The following PKHD1 variants were observed in gnomAD, a reference collection of about 807,000 sequenced individuals.
PKHD1 encodes PKHD1 ciliary IPT domain containing fibrocystin/polyductin, also known as fibrocystin.
Under a neutral mutation model 412.0 loss-of-function variants are expected in PKHD1, and 291 were observed. That is an observed-to-expected ratio of 0.71 (90% CI 0.64 to 0.78). PKHD1 has a LOEUF of 0.78. PKHD1 is among the 30% of genes least tolerant of loss of function. PKHD1 has a pLI of 0.00. For missense variants in PKHD1, 4,825 were observed against 4,950.7 expected (o/e 0.97, Z 0.76); for synonymous variants, 1,777 against 1,821.5 (o/e 0.98, Z 0.62).
In PKHD1 at chr6:51,753,331, A is replaced by G. The variant is rs766377653; in HGVS notation, c.8820T>C (p.Asp2940=). The G allele has an allele frequency of 4.3e-6, 7 of 1,613,896 alleles. No individual in the cohort carries two copies. The highest frequency in any genetic ancestry group is 5.9e-6 in the Non-Finnish European group (7 of 1,179,820). ...CAGCAGCCAAACGAATGTGTCGGCC[A>G]TCCTCCGTGACATGTACACTTCCTG... ...RHIGSVHVTE[D]GRHIRLAAEV... is the part of the protein sequence containing the mutation. Residue 2940 remains aspartate (D), a synonymous_variant, in exon 57 of 67, where the codon GAT becomes GAC. Transcript: ENST00000371117.
At chr6:51,902,333 AT>A (rs1270836029) in intron 43 of PKHD1, among the ~76,000 whole-genome samples, 2 of 152,064 alleles carry the variant, frequency 1.3e-5, no homozygotes, top group African/African-American at 4.8e-5. Flanking sequence ...TATCATTAGG[AT>A]TTTTGGCCTG....
intron 37 of PKHD1, among the ~76,000 whole-genome samples, chr6:51,918,303 C>T (rs1217554197): frequency 2.0e-5 from 3 of 151,958 alleles, no homozygotes; most frequent in African/African-American, 7.2e-5. Flanking sequence ...CACCCATCAA[C>T]CCATCATCTA....
At chr6:51,758,068 G>A (rs983313861) in intron 55 of PKHD1, among the ~76,000 whole-genome samples, 5 of 144,440 alleles carry the variant, frequency 3.5e-5, no homozygotes, top group African/African-American at 1.3e-4. Context: ...AAAGCAAACA[G>A]GAAAAAAATC....
At chr6:52,010,742 C>T (rs984401682) in intron 34 of PKHD1, among the ~76,000 whole-genome samples, 3 of 152,198 alleles carry the variant, frequency 2.0e-5, no homozygotes, top group East Asian at 3.8e-4. Flanking sequence ...CTACTCCTAG[C>T]CCAGCTTAAC....
At chr6:51,942,778 A>G (rs1788786110) in intron 36 of PKHD1, among the ~76,000 whole-genome samples, 1 of 151,688 alleles carries the variant, frequency 6.6e-6, no homozygotes, top group South Asian at 2.1e-4. Context: ...CCCGCCTCTT[A>G]GAACCTCTCA....
intron 60 of PKHD1, among the ~76,000 whole-genome samples, chr6:51,698,446 A>G (rs551562532): frequency 6.6e-6 from 1 of 152,330 alleles, no homozygotes; most frequent in African/African-American, 2.4e-5. Context: ...TTAACACTAC[A>G]TGAAACACTG....
intron 60 of PKHD1, among the ~76,000 whole-genome samples, chr6:51,728,992 T>C (rs562528645): frequency 6.6e-6 from 1 of 152,342 alleles, no homozygotes; most frequent in South Asian, 2.1e-4. Context: ...AGATTTCCTT[T>C]GTCTGTAACG....
intron 37 of PKHD1, among the ~76,000 whole-genome samples, chr6:51,923,762 C>T (rs749703091): frequency 1.3e-5 from 2 of 152,154 alleles, no homozygotes; most frequent in African/African-American, 2.4e-5. Context: ...AGCCAGAAAG[C>T]CCCAATTGGG....
At chr6:51,869,966 A>C (rs1775714677) in intron 47 of PKHD1, among the ~76,000 whole-genome samples, 1 of 152,136 alleles carries the variant, frequency 6.6e-6, no homozygotes, top group Non-Finnish European at 1.5e-5. Context: ...TGAGTCCTCC[A>C]AGTTATTTCT....
At chr6:51,655,969 T>C (rs1487853731) in intron 61 of PKHD1, among the ~76,000 whole-genome samples, 1 of 152,092 alleles carries the variant, frequency 6.6e-6, no homozygotes, top group Non-Finnish European at 1.5e-5. Context: ...ACCATTTGAC[T>C]CAGCAATCCC....
chr6:51,666,149 C>A (rs1773729641), intron 60 of PKHD1, among the ~76,000 whole-genome samples: 1 of 152,000 alleles, frequency 6.6e-6, no homozygotes, highest in Non-Finnish European at 1.5e-5. Context: ...AGTGCTTATA[C>A]AATGTGAGGG....
intron 35 of PKHD1, among the ~76,000 whole-genome samples, chr6:51,981,179 A>G (rs903039850): frequency 2.0e-5 from 3 of 149,458 alleles, no homozygotes; most frequent in African/African-American, 4.9e-5. Flanking sequence ...CTCAACCTGC[A>G]TGCTCTTCCC....
chr6:51,909,575 A>G (rs151118710), intron 39 of PKHD1, 101 bp from the exon 40 acceptor site: 1 of 828,190 alleles, frequency 1.2e-6, no homozygotes, highest in African/African-American at 1.7e-5. Context: ...AGGAAAAACC[A>G]TTACTGTTTA....
intron 7 of PKHD1, 48 bp downstream of exon 7, chr6:52,073,415 T>C (rs374843420): frequency 4.4e-6 from 5 of 1,127,088 alleles, no homozygotes; most frequent in Non-Finnish European, 4.1e-6. Context: ...CAGGAAGCCA[T>C]GCAGCATGTA....
chr6:51,977,547 C>A (rs961560470), intron 35 of PKHD1, among the ~76,000 whole-genome samples: 2 of 152,202 alleles, frequency 1.3e-5, no homozygotes, highest in African/African-American at 4.8e-5. Flanking sequence ...TGTCCCCTCA[C>A]CCCAAAGCAG....
At chr6:51,788,649 C>G (rs1204301744) in intron 53 of PKHD1, among the ~76,000 whole-genome samples, 2 of 152,092 alleles carry the variant, frequency 1.3e-5, no homozygotes, top group Non-Finnish European at 2.9e-5. Flanking sequence ...CTATAACATT[C>G]TTTTCTCAAT....
intron 34 of PKHD1, 97 bp from the exon 35 acceptor site, chr6:52,010,556 C>A: frequency 9.7e-7 from 1 of 1,028,244 alleles, no homozygotes; most frequent in Non-Finnish European, 1.5e-6. Flanking sequence ...TAGCTTGTGG[C>A]AACTACAGGC....
At chr6:51,753,776 G>C (rs1032815475) in intron 56 of PKHD1, among the ~76,000 whole-genome samples, 15 of 152,188 alleles carry the variant, frequency 9.9e-5, no homozygotes, top group African/African-American at 3.6e-4. Flanking sequence ...GGCAGTGACA[G>C]AGCAAAAGCA....
At chr6:51,928,606 T>C (rs918370293) in intron 37 of PKHD1, among the ~76,000 whole-genome samples, 1 of 150,216 alleles carries the variant, frequency 6.7e-6, no homozygotes, top group Non-Finnish European at 1.5e-5. Context: ...GTATAGTCCT[T>C]AGTCTGCTAA....
Sources: allele counts gnomAD v4.1 joint callset (sites outside exome capture counted in the v4.1 genomes callset), GRCh38; gene constraint gnomAD v4.1.1; transcripts MANE v1.5; gene names NCBI Gene and HGNC (gene_info 2026-07-23, HGNC 2026-07-21).